SIRT4: variants seen among roughly 807,000 people sequenced by gnomAD.
SIRT4 encodes the protein sirtuin 4, also known as NAD-dependent protein lipoamidase sirtuin-4, mitochondrial.
A neutral mutation model predicts 26.1 loss-of-function variants in SIRT4; 23 were observed. The ratio of observed to expected loss-of-function variants is 0.88; its 90% CI spans 0.63 to 1.25. SIRT4 has a LOEUF of 1.25. Among genes scored for constraint, SIRT4 ranks in the 50% most tolerant of loss-of-function variants. The probability of loss-of-function intolerance (pLI) is 0.00; values close to 1 mark genes in which losing one functional copy is unlikely to be tolerated. For missense variants in SIRT4, 361 were observed against 405.4 expected, an observed-to-expected ratio of 0.89 and a Z score of 0.94; for synonymous variants, 155 against 158.4, an observed-to-expected ratio of 0.98 and a Z score of 0.16.
In SIRT4 at chr12:120,307,852, CCTT is replaced by C. The variant is rs370278457; in HGVS notation, c.497+3797_497+3799del. ...CAGCCTGGGCAACAAGAACGAAACT[CCTT>C]CTCAAAAAACAACCAAGCAAACAAA... is the stretch of plus-strand genomic sequence containing the variant. On this transcript the variant is annotated intron_variant, in intron 2 of 3. Coordinates refer to ENST00000202967, the MANE Select transcript of SIRT4 (RefSeq NM_012240.3). Among the ~76,000 whole-genome samples the C allele has an allele frequency of 1.2e-4, 18 of 152,184 alleles. No homozygotes were observed. The East Asian group carries it at 2.9e-3, about 25-fold the overall frequency.
At chr12:120,306,815 AAAAG>A (rs1311523545) in intron 2 of SIRT4, among the ~76,000 whole-genome samples, 3 of 152,162 alleles carry the variant, frequency 2.0e-5, no homozygotes, top group Admixed American at 6.6e-5. Flanking sequence ...TAAAAAAACA[AAAAG>A]AAAGGAAACT....
chr12:120,303,050 C>A (rs1037087238), intron 1 of SIRT4, among the ~76,000 whole-genome samples: 1 of 151,814 alleles, frequency 6.6e-6, no homozygotes, highest in Non-Finnish European at 1.5e-5. Context: ...GAAAAGCTGA[C>A]GGGCAGGGGT....
At chr12:120,294,504 G>A in the SIRT4 span, among the ~76,000 whole-genome samples, 7 of 151,942 alleles carry the variant, frequency 4.6e-5, no homozygotes, top group Non-Finnish European at 7.4e-5. Flanking sequence ...TGATCCACCC[G>A]CCTTGGTTTC....
intron 2 of SIRT4, among the ~76,000 whole-genome samples, chr12:120,307,741 C>T (rs1321482254): frequency 6.6e-6 from 1 of 151,778 alleles, no homozygotes; most frequent in Admixed American, 6.6e-5. Context: ...GCCTATAATC[C>T]CAGCTACTCA....
In SIRT4 at chr12:120,313,023, T is replaced by C. The variant is rs931226785; in HGVS notation, c.932T>C (p.Ile311Thr). ...NSRCGELLPL[I>T]DPC ...CGTTGTGGAGAGTTGCTGCCTTTGA[T>C]AGACCCATGCTGACCACAGCCTGAT... Residue 311 changes from isoleucine (I) to threonine (T), a missense_variant, in exon 4 of 4, where the codon ATA becomes ACA. By Grantham distance (89) the Ile-to-Thr change is moderately conservative (BLOSUM62 -1). Transcript: ENST00000202967. 3 of 1,614,000 alleles carry C rather than the reference T, an allele frequency of 1.9e-6. No individual in the cohort carries two copies. The highest frequency in any genetic ancestry group is 1.6e-4 in the Middle Eastern group (1 of 6,084).
At chr12:120,307,265 G>A (rs1872776334) in intron 2 of SIRT4, among the ~76,000 whole-genome samples, 3 of 152,106 alleles carry the variant, frequency 2.0e-5, no homozygotes, top group South Asian at 2.1e-4. Flanking sequence ...CTGAGGGGGC[G>A]GATCACTTGA....
intron 2 of SIRT4, among the ~76,000 whole-genome samples, chr12:120,304,833 ATATTTTT>A (rs1320407516): frequency 8.5e-4 from 7 of 8,222 alleles, no homozygotes; most frequent in South Asian, 0.012. Context: ...ATATATATAT[ATATTTTT>A]TTTTTTTTTT....
chr12:120,292,906 C>CA, the SIRT4 span, among the ~76,000 whole-genome samples: 1 of 152,326 alleles, frequency 6.6e-6, no homozygotes, highest in South Asian at 2.1e-4. Context: ...ACAAAATCAG[C>CA]AACTCCAACT....
At chr12:120,309,708 C>T (rs1872884125) in intron 2 of SIRT4, among the ~76,000 whole-genome samples, 1 of 148,032 alleles carries the variant, frequency 6.8e-6, no homozygotes, top group African/African-American at 2.5e-5. Context: ...CCACTGTGCC[C>T]GCTTTCTTTT....
chr12:120,309,720 T>C (rs1171475705), intron 2 of SIRT4, among the ~76,000 whole-genome samples: 8 of 148,822 alleles, frequency 5.4e-5, no homozygotes, highest in African/African-American at 1.2e-4. Context: ...CTTTCTTTTT[T>C]TTTTTTTTTT....
At chr12:120,297,533 A>G (rs1872376986), upstream of SIRT4, among the ~76,000 whole-genome samples, 1 of 151,666 alleles carries the variant, frequency 6.6e-6, no homozygotes, top group East Asian at 1.9e-4. Context: ...TACAAAAATT[A>G]AAAAAGAAAG....
In SIRT4 at chr12:120,312,727, T is replaced by C. The variant is rs199707524; in HGVS notation, c.769T>C (p.Leu257=). 6 of 1,613,640 alleles carry C rather than the reference T, an allele frequency of 3.7e-6. No individual in the cohort carries two copies. The highest frequency in any genetic ancestry group is 2.5e-6 in the Non-Finnish European group (3 of 1,179,828). ...GCGTGTAAAAGAAGCCGACTCCCTC[T>C]TGGTGGTGGGATCATCCTTGCAGGT... ...HKRVKEADSL[L]VVGSSLQVYS... Residue 257 remains leucine, a synonymous_variant, in exon 3 of 4, where the codon TTG becomes CTG. Coordinates refer to ENST00000202967, the MANE Select transcript of SIRT4 (RefSeq NM_012240.3).
chr12:120,300,631 A>G (rs1872509680), upstream of SIRT4, among the ~76,000 whole-genome samples: 1 of 152,008 alleles, frequency 6.6e-6, no homozygotes, highest in African/African-American at 2.4e-5. Context: ...TATTTTTTGT[A>G]GTGAGTGGGT....
At chr12:120,307,179 G>C (rs1455658288) in intron 2 of SIRT4, among the ~76,000 whole-genome samples, 1 of 152,140 alleles carries the variant, frequency 6.6e-6, no homozygotes, top group African/African-American at 2.4e-5. Flanking sequence ...ACTAACTACT[G>C]TGCTTCTTAG....
rs376856484 is a variant in SIRT4 at position 120,310,881 on chromosome 12, G to A, written c.498-1575G>A. ...CTCCCGAGTAGCTGGGACTACAGGC[G>A]CCCGCCACCACGGCCGGCTAATTTT... On this transcript the variant is annotated intron_variant, in intron 2 of 3. Transcript: ENST00000202967. 1.5e-4 allele frequency among the ~76,000 whole-genome samples: 22 copies of A among 151,064 alleles called. No individual in the cohort carries two copies. The East Asian group carries it at 3.2e-3, about 22-fold the overall frequency.
chr12:120,292,981 C>CACTT, the SIRT4 span: 1 of 152,124 alleles, frequency 6.6e-6, no homozygotes, highest in Non-Finnish European at 1.5e-5. Context: ...GCTGGTAAGA[C>CACTT]ACTTCCCCAT....
At chr12:120,292,188 T>C in the SIRT4 span, among the ~76,000 whole-genome samples, 1 of 151,540 alleles carries the variant, frequency 6.6e-6, no homozygotes, top group African/African-American at 2.4e-5. Context: ...GCGAGGAGAG[T>C]GAGCAGTGGG....
intron 2 of SIRT4, among the ~76,000 whole-genome samples, chr12:120,309,714 C>CTTTT (rs564627080): frequency 2.7e-5 from 3 of 111,098 alleles, no homozygotes; most frequent in Non-Finnish European, 5.7e-5. Flanking sequence ...TGCCCGCTTT[C>CTTTT]TTTTTTTTTT....
At chr12:120,299,251 T>TAC (rs372361646), upstream of SIRT4, among the ~76,000 whole-genome samples, 1 of 116,556 alleles carries the variant, frequency 8.6e-6, no homozygotes. Context: ...ATAAATACAA[T>TAC]AATAATAATA....
Sources: gnomAD v4.1 joint callset for allele counts (sites outside exome capture counted in the v4.1 genomes callset) on GRCh38, gnomAD v4.1.1 for gene constraint, MANE v1.5 for transcripts, NCBI Gene and HGNC (gene_info 2026-07-23, HGNC 2026-07-21) for gene names.